GTPBP1: variants seen among roughly 807,000 people sequenced by gnomAD.
The protein encoded by GTPBP1 is GTP-binding protein 1.
Under a neutral mutation model 62.0 loss-of-function variants are expected in GTPBP1, and 23 were observed. That is an observed-to-expected ratio of 0.37 (90% CI 0.27 to 0.53). The LOEUF is 0.53. Ranked by LOEUF, GTPBP1 falls within the 20% of genes least tolerant of loss-of-function variation. The pLI is 0.89. For synonymous variants in GTPBP1, 344 were observed against 364.4 expected (o/e 0.94, Z 0.64); for missense variants, 640 against 917.3 (o/e 0.70, Z 3.90).
In GTPBP1 at chr22:38,730,991, A is replaced by T; in HGVS notation, c.*287A>T. ...CCTTAGTTTTTATTCTGTTTATTAT[A>T]TGTCTCTGTCTCTCTCTATTGTGTG... On this transcript the variant is annotated 3_prime_UTR_variant, in exon 12 of 12. Coordinates refer to ENST00000216044, the MANE Select transcript of GTPBP1 (RefSeq NM_004286.5). The surrounding 1 kb of genome is among the most constrained non-coding windows in gnomAD (Gnocchi z 5.6). 1 of 385,772 alleles carries T rather than the reference A, an allele frequency of 2.6e-6. No individual in the cohort carries two copies. Among genetic ancestry groups the T allele is most frequent in the South Asian group, 3.1e-5 (1 of 32,172 alleles). 23.9% of individuals were successfully genotyped at this position (385,772 alleles called of 1,614,324 possible).
chr22:38,723,448 G>A, intron 5 of GTPBP1: 1 of 1,078,870 alleles, frequency 9.3e-7, no homozygotes, highest in Admixed American at 2.0e-5. Flanking sequence ...CCCAAGGAAT[G>A]GCACTCACAT....
At chr22:38,729,276 G>A (rs1287310431) in intron 10 of GTPBP1, 186 bp from the exon 11 acceptor site, 5 of 527,182 alleles carry the variant, frequency 9.5e-6, no homozygotes, top group Non-Finnish European at 1.3e-5. Context: ...CCACTGAGTG[G>A]GGATGAGAAT....
chr22:38,712,330 G>C (rs2092644758), intron 2 of GTPBP1, among the ~76,000 whole-genome samples: 1 of 152,166 alleles, frequency 6.6e-6, no homozygotes, highest in Non-Finnish European at 1.5e-5. Flanking sequence ...GGAGGCATTG[G>C]AGACAGGAAT....
intron 5 of GTPBP1, among the ~76,000 whole-genome samples, chr22:38,722,532 T>C (rs914972646): frequency 6.6e-6 from 1 of 152,228 alleles, no homozygotes; most frequent in African/African-American, 2.4e-5. Flanking sequence ...CTGTAGAAAC[T>C]AGCTAGCCAC....
downstream of GTPBP1, chr22:38,739,292 G>A: frequency 1.3e-6 from 2 of 1,581,958 alleles, no homozygotes; most frequent in Non-Finnish European, 1.7e-6. The surrounding 1 kb of genome is among the most constrained non-coding windows in gnomAD (Gnocchi z 6.7). Flanking sequence ...CAGGGGACCG[G>A]CCATTGCGGG....
At position 38,730,694 on chromosome 22, in the gene GTPBP1, G is replaced by C. The variant is rs1280406239; in HGVS notation, c.2000G>C (p.Ser667Thr). The change falls in exon 12 of 12, where the codon AGC becomes ACC. Residue 667 changes from serine (S) to threonine (T), a missense_variant. Coordinates refer to ENST00000216044, the MANE Select transcript of GTPBP1 (RefSeq NM_004286.5). This position sits in a 1 kb window ranked among gnomAD's most constrained non-coding sequence, Gnocchi z 5.6. ...KSQGACVTPA[S>T]GC Reference sequence around the variant, plus strand: ...CAGGGGGCCTGTGTGACTCCTGCCAGCGGCTGCTGAACCTTCCCCTGGCCC... The same window carrying C: ...CAGGGGGCCTGTGTGACTCCTGCCACCGGCTGCTGAACCTTCCCCTGGCCC... 4 of 1,589,066 alleles carry C rather than the reference G, an allele frequency of 2.5e-6. No homozygotes were observed. The highest frequency in any genetic ancestry group is 3.4e-6 in the Non-Finnish European group (4 of 1,168,592).
downstream of GTPBP1, chr22:38,738,863 A>G: frequency 3.8e-6 from 6 of 1,599,508 alleles, no homozygotes; most frequent in Non-Finnish European, 5.1e-6. This position sits in a 1 kb window ranked among gnomAD's most constrained non-coding sequence, Gnocchi z 6.6. Flanking sequence ...TGTGCTTGCC[A>G]GGTGCCCACC....
chr22:38,725,940 T>A, intron 6 of GTPBP1, 66 bp from the exon 7 acceptor site: 1 of 1,499,038 alleles, frequency 6.7e-7, no homozygotes, highest in Non-Finnish European at 9.3e-7. Context: ...CTGGTCTGTG[T>A]CAGGGCAGGA....
chr22:38,730,597 T>C lies in GTPBP1; in HGVS notation c.1918-15T>C. ...GATGGGCCAGTGCTTCTCAAGCTCC[T>C]TCTCTCTCTTTCAGCCTAAGCCCAG... On this transcript the variant is annotated splice_polypyrimidine_tract_variant and intron_variant, in intron 11 of 11. Transcript: ENST00000216044. The surrounding 1 kb of genome is among the most constrained non-coding windows in gnomAD (Gnocchi z 5.6). 1 of 1,571,816 alleles carries C rather than the reference T, an allele frequency of 6.4e-7. No individual in the cohort carries two copies. The highest frequency in any genetic ancestry group is 8.7e-7 in the Non-Finnish European group (1 of 1,149,068).
chr22:38,736,472 C>T (rs562889819), downstream of GTPBP1: 2 of 1,000,196 alleles, frequency 2.0e-6, no homozygotes, highest in South Asian at 3.3e-5. Flanking sequence ...TCGCCTAGGG[C>T]CAGATGGCTC....
At chr22:38,715,030 C>T (rs1010650672) in intron 2 of GTPBP1, among the ~76,000 whole-genome samples, 1 of 152,168 alleles carries the variant, frequency 6.6e-6, no homozygotes, top group African/African-American at 2.4e-5. Flanking sequence ...AGTTAAAAAT[C>T]TTATCTCTAA....
chr22:38,736,110 G>T (rs766779250), downstream of GTPBP1: 4 of 741,306 alleles, frequency 5.4e-6, no homozygotes, highest in Non-Finnish European at 9.6e-6. Flanking sequence ...GCCACCTGCT[G>T]CTCAGGAGAC....
downstream of GTPBP1, chr22:38,739,197 T>C: frequency 1.0e-6 from 1 of 1,003,044 alleles, no homozygotes; most frequent in South Asian, 1.4e-5. This position sits in a 1 kb window ranked among gnomAD's most constrained non-coding sequence, Gnocchi z 6.7. Flanking sequence ...AATTGCCACT[T>C]GCCTTTGTCA....
intron 6 of GTPBP1, 173 bp from the exon 7 acceptor site, chr22:38,725,833 G>C (rs1299236764): frequency 7.7e-6 from 5 of 647,674 alleles, no homozygotes; most frequent in Non-Finnish European, 1.4e-5. Flanking sequence ...CCAGGAGCTT[G>C]CTAGGTCAGG....
rs201097856 is a variant in GTPBP1 at position 38,729,423 on chromosome 22, C to T, written c.1717-39C>T. ...GGTAGCCAAGCCAGTGCCACTGCCC[C>T]GCAGCTCCAGCCTCAGCCTCTCTCC... On this transcript the variant is annotated intron_variant, in intron 10 of 11. Transcript: ENST00000216044. 5,770 of 1,499,816 alleles carry T rather than the reference C, an allele frequency of 3.8e-3. 20 individuals carry two copies. Among genetic ancestry groups the T allele is most frequent in the Non-Finnish European group, 4.8e-3 (5,291 of 1,106,052 alleles). The allele number at this position is 1,499,816 out of a possible 1,614,324, so 92.9% of individuals were successfully genotyped here.
At chr22:38,728,385 A>G (rs1176832597) in intron 10 of GTPBP1, 2 of 530,160 alleles carry the variant, frequency 3.8e-6, no homozygotes, top group East Asian at 3.0e-5. Flanking sequence ...TTAGGGTATG[A>G]TCTTCCTCCA....
At position 38,720,450 on chromosome 22, in the gene GTPBP1, G is replaced by A. The variant is rs112953749; in HGVS notation, c.835-1292G>A. On this transcript the variant is annotated intron_variant, in intron 4 of 11. Coordinates refer to ENST00000216044, the MANE Select transcript of GTPBP1 (RefSeq NM_004286.5). Reference sequence around the variant, plus strand: ...TCACCATGTTGGCCAAGCTGGTCTCGAATTCCTGACCTCAGGTGATTCACC... The same window carrying A: ...TCACCATGTTGGCCAAGCTGGTCTCAAATTCCTGACCTCAGGTGATTCACC... Among the ~76,000 whole-genome samples the A allele has an allele frequency of 8.6e-3, 1,293 of 150,598 alleles. 14 individuals are homozygous for A. Among genetic ancestry groups the A allele is most frequent in the African/African-American group, 0.03 (1,222 of 40,928 alleles).
At chr22:38,708,518 C>T (rs2092619412) in intron 1 of GTPBP1, among the ~76,000 whole-genome samples, 1 of 152,228 alleles carries the variant, frequency 6.6e-6, no homozygotes, top group Non-Finnish European at 1.5e-5. Flanking sequence ...ATGGAAAGCA[C>T]TGCGCTTTCT....
At chr22:38,712,824 C>G (rs949814105) in intron 2 of GTPBP1, among the ~76,000 whole-genome samples, 1 of 152,180 alleles carries the variant, frequency 6.6e-6, no homozygotes, top group Non-Finnish European at 1.5e-5. Context: ...CCAGCAAACC[C>G]TTCTCTAACC....
Sources: gnomAD v4.1 joint callset for allele counts (sites outside exome capture counted in the v4.1 genomes callset) on GRCh38, gnomAD v4.1.1 for gene constraint, Gnocchi (gnomAD v3.1) non-coding constraint, MANE v1.5 for transcripts, NCBI Gene and HGNC (gene_info 2026-07-23, HGNC 2026-07-21) for gene names.